Variants in TNPO3 observed in about 807,000 individuals in gnomAD.
TNPO3 encodes the protein transportin-3.
TNPO3 carries 65 observed loss-of-function variants against 122.8 expected under a neutral mutation model. The observed-to-expected ratio is 0.53, with a 90% CI of 0.43 to 0.65. The LOEUF is 0.65. TNPO3 is among the 30% of genes least tolerant of loss of function. The pLI is 0.00. For synonymous variants in TNPO3, 372 were observed against 411.2 expected, an observed-to-expected ratio of 0.90 and a Z score of 1.15; for missense variants, 850 against 1,136.7, an observed-to-expected ratio of 0.75 and a Z score of 3.63.
chr7:128,984,166 A>T lies in TNPO3; in HGVS notation c.1782+2T>A, dbSNP rs1563093365. 1 of 1,579,772 alleles carries T rather than the reference A, an allele frequency of 6.3e-7. No individual in the cohort carries two copies. Among genetic ancestry groups the T allele is most frequent in the Non-Finnish European group, 8.6e-7 (1 of 1,161,880 alleles). On this transcript the variant is annotated splice_donor_variant, in intron 13 of 22. Coordinates refer to ENST00000265388, the MANE Select transcript of TNPO3 (RefSeq NM_012470.4). LOFTEE classifies it high-confidence loss of function. ...TTTCACACCTTCCTTAATTGGACTT[A>T]CCTTTTTCAATGCCATAACCTGAAC...
At chr7:129,005,339 C>T (rs1159785962) in intron 4 of TNPO3, among the ~76,000 whole-genome samples, 180 bp from the exon 5 acceptor site, 2 of 151,328 alleles carry the variant, frequency 1.3e-5, no homozygotes, top group Admixed American at 6.6e-5. Flanking sequence ...GAGGGTCTTG[C>T]TACATTGCCC....
intron 16 of TNPO3, 56 bp downstream of exon 16, chr7:128,978,927 C>T: frequency 6.2e-7 from 1 of 1,600,018 alleles, no homozygotes; most frequent in Non-Finnish European, 8.5e-7. Context: ...CCACCGCACC[C>T]TGCCTATTTC....
At position 129,002,249 on chromosome 7, in the gene TNPO3, C is replaced by A. The variant is rs570392271; in HGVS notation, c.697-1015G>T. Among the ~76,000 whole-genome samples, 7 of 152,314 alleles carry A rather than the reference C, an allele frequency of 4.6e-5. No homozygotes were observed. In the South Asian group the frequency reaches 1.0e-3, roughly 23 times the overall value. On this transcript the variant is annotated intron_variant, in intron 5 of 22. Transcript: ENST00000265388. Reference sequence around the variant, plus strand: ...ATTCCAAGTTTACTTTCCATTATATCTTTTCTGAAGAAGTTATTTGAGGGG... The same window carrying A: ...ATTCCAAGTTTACTTTCCATTATATATTTTCTGAAGAAGTTATTTGAGGGG...
At chr7:129,014,440 T>C (rs538432170) in intron 4 of TNPO3, among the ~76,000 whole-genome samples, 3 of 152,118 alleles carry the variant, frequency 2.0e-5, no homozygotes, top group Non-Finnish European at 4.4e-5. Context: ...AGAGGATCAC[T>C]TGAGCCCAGG....
intron 1 of TNPO3, among the ~76,000 whole-genome samples, chr7:129,040,413 T>A (rs1807231783): frequency 6.6e-6 from 1 of 152,264 alleles, no homozygotes; most frequent in East Asian, 1.9e-4. Context: ...AAATCTGTGG[T>A]GATGTAAGTC....
At chr7:128,973,864 CA>C (rs1383741941) in intron 18 of TNPO3, among the ~76,000 whole-genome samples, 7 of 85,450 alleles carry the variant, frequency 8.2e-5, no homozygotes, top group African/African-American at 2.2e-4. Flanking sequence ...CAAAAACTAA[CA>C]AAAAAAAAGG....
Position 129,018,073 on chromosome 7 carries a change from T to C in TNPO3, c.205A>G (p.Met69Val), listed in dbSNP as rs1804046291. ...SCYFAAQTMK[M>V]KIQTSFYELP... ...TCATAAAATGAGGTCTGAATCTTCA[T>C]TTTCATGGTCTGTGCAGCAAAATAG... The change falls in exon 2 of 23, where the codon ATG becomes GTG. Residue 69 changes from methionine (M) to valine (V), a missense_variant. By Grantham distance (21) the Met-to-Val change is conservative (BLOSUM62 1). Coordinates refer to ENST00000265388, the MANE Select transcript of TNPO3 (RefSeq NM_012470.4). The C allele has an allele frequency of 1.2e-6, 2 of 1,614,074 alleles. No homozygotes were observed. Among genetic ancestry groups the C allele is most frequent in the Admixed American group, 1.7e-5 (1 of 60,004 alleles).
chr7:128,989,072 A>C (rs546646261), intron 11 of TNPO3, among the ~76,000 whole-genome samples: 1 of 152,258 alleles, frequency 6.6e-6, no homozygotes, highest in African/African-American at 2.4e-5. Flanking sequence ...GCGAGACTCT[A>C]TCTCAAAACA....
intron 1 of TNPO3, among the ~76,000 whole-genome samples, chr7:129,050,055 C>T (rs1338959565): frequency 6.6e-6 from 1 of 152,000 alleles, no homozygotes; most frequent in Non-Finnish European, 1.5e-5. Flanking sequence ...GAGACCCCAA[C>T]TTTTCTTTTC....
At chr7:129,030,339 T>C in intron 1 of TNPO3, 1 of 233,190 alleles carries the variant, frequency 4.3e-6, no homozygotes, top group Non-Finnish European at 8.5e-6. Flanking sequence ...CTACTTGTAC[T>C]TTTAATGGAT....
rs139452279 is a variant in TNPO3 at position 128,980,912 on chromosome 7, C to T, written c.1860-881G>A. Among the ~76,000 whole-genome samples the T allele has an allele frequency of 1.9e-3, 295 of 152,112 alleles. 3 individuals are homozygous for T. The highest frequency in any genetic ancestry group is 6.5e-3 in the African/African-American group (271 of 41,514). On this transcript the variant is annotated intron_variant, in intron 14 of 22. Transcript: ENST00000265388. Reference sequence around the variant, plus strand: ...TAGTTTGAATCCAATGTACTTTCCACAATCAGTCAAATACAACTCCTCTGT... The same window carrying T: ...TAGTTTGAATCCAATGTACTTTCCATAATCAGTCAAATACAACTCCTCTGT...
At chr7:129,003,400 T>C (rs1802220681) in intron 5 of TNPO3, among the ~76,000 whole-genome samples, 1 of 150,474 alleles carries the variant, frequency 6.6e-6, no homozygotes. Context: ...CCAGGTGTGG[T>C]GGCTCACATC....
chr7:128,979,544 G>A (rs1799424137), intron 15 of TNPO3, among the ~76,000 whole-genome samples: 1 of 152,204 alleles, frequency 6.6e-6, no homozygotes, highest in Non-Finnish European at 1.5e-5. Flanking sequence ...AGTATTTAGT[G>A]TTGATGTAAT....
At chr7:129,000,170 T>C (rs190363099) in intron 7 of TNPO3, among the ~76,000 whole-genome samples, 1 of 152,284 alleles carries the variant, frequency 6.6e-6, no homozygotes. Flanking sequence ...AAGGGGTTCA[T>C]TGGAAAGGCT....
intron 5 of TNPO3, among the ~76,000 whole-genome samples, chr7:129,004,275 CT>C (rs1802333583): frequency 6.6e-6 from 1 of 152,160 alleles, no homozygotes; most frequent in South Asian, 2.1e-4. Context: ...AGCTTCCATA[CT>C]AATATATCTT....
At chr7:129,045,674 T>A (rs1807953154) in intron 1 of TNPO3, among the ~76,000 whole-genome samples, 1 of 151,772 alleles carries the variant, frequency 6.6e-6, no homozygotes, top group Non-Finnish European at 1.5e-5. Context: ...AATTAGAAAA[T>A]ATAGTAGTAC....
At chr7:128,999,780 T>C (rs1483067998) in intron 7 of TNPO3, among the ~76,000 whole-genome samples, 2 of 152,158 alleles carry the variant, frequency 1.3e-5, no homozygotes, top group African/African-American at 2.4e-5. Context: ...GCCTGACTAA[T>C]TTTTATATTT....
At chr7:129,020,600 C>T (rs1441294907) in intron 1 of TNPO3, among the ~76,000 whole-genome samples, 4 of 152,092 alleles carry the variant, frequency 2.6e-5, no homozygotes, top group Admixed American at 6.6e-5. Context: ...CTACCACACC[C>T]GGCTAATTTT....
Position 129,054,959 on chromosome 7 carries a change from G to T in TNPO3, c.-189C>A. On this transcript the variant is annotated 5_prime_UTR_variant, in exon 1 of 23. Coordinates refer to ENST00000265388, the MANE Select transcript of TNPO3 (RefSeq NM_012470.4). ...GTTGCCCCCTCGGAAACAGCTATTA[G>T]GTCGTATTCAGGTTCCTGGCCTTTT... The T allele has an allele frequency of 1.5e-6, 1 of 671,056 alleles. No homozygotes were observed. Among genetic ancestry groups the T allele is most frequent in the Non-Finnish European group, 2.5e-6 (1 of 404,770 alleles). 41.6% of individuals were successfully genotyped at this position (671,056 alleles called of 1,614,324 possible).
Sources: gnomAD v4.1 joint callset for allele counts (sites outside exome capture counted in the v4.1 genomes callset) on GRCh38, gnomAD v4.1.1 for gene constraint, MANE v1.5 for transcripts, NCBI Gene and HGNC (gene_info 2026-07-23, HGNC 2026-07-21) for gene names.